The following VWC2 variants were observed in gnomAD, a reference collection of about 807,000 sequenced individuals.
VWC2 encodes the protein von Willebrand factor C domain containing 2.
VWC2 carries 14 observed loss-of-function variants against 29.8 expected under a neutral mutation model. The observed-to-expected ratio is 0.47, with a 90% confidence interval of 0.31 to 0.74. The LOEUF is 0.74. VWC2 is among the 30% of genes least tolerant of loss of function. VWC2 has a pLI of 0.05. For synonymous variants in VWC2, 213 were observed against 199.0 expected (o/e 1.07, Z -0.59); for missense variants, 457 against 459.8 (o/e 0.99, Z 0.05).
intron 3 of VWC2, among the ~76,000 whole-genome samples, chr7:49,855,275 T>C (rs1309189038): frequency 6.6e-6 from 1 of 152,218 alleles, no homozygotes; most frequent in Non-Finnish European, 1.5e-5. Context: ...GGTCATAGTT[T>C]ATGGACGGTG....
intron 2 of VWC2, among the ~76,000 whole-genome samples, chr7:49,790,461 A>G (rs1424042949): frequency 6.6e-6 from 1 of 152,198 alleles, no homozygotes; most frequent in African/African-American, 2.4e-5. Flanking sequence ...ACAGAACAGA[A>G]AAAAAAATTC....
chr7:49,868,870 C>T (rs1053607427), intron 3 of VWC2, among the ~76,000 whole-genome samples: 8 of 152,218 alleles, frequency 5.3e-5, no homozygotes, highest in African/African-American at 1.9e-4. Flanking sequence ...CCACCTGCCT[C>T]GGCCTCCCAA....
At chr7:49,888,807 G>C (rs1190217148) in intron 3 of VWC2, among the ~76,000 whole-genome samples, 2 of 152,074 alleles carry the variant, frequency 1.3e-5, no homozygotes, top group African/African-American at 4.8e-5. Flanking sequence ...GCTACTTTGG[G>C]GGCCGAGGCA....
At chr7:49,817,629 C>T (rs750536629) in intron 3 of VWC2, among the ~76,000 whole-genome samples, 7 of 152,168 alleles carry the variant, frequency 4.6e-5, no homozygotes, top group Non-Finnish European at 8.8e-5. Flanking sequence ...ATTTGTCTTT[C>T]AGGAAGATAA....
In VWC2 at chr7:49,918,418, A is replaced by G. The variant is rs1793836367; in HGVS notation, c.*6233A>G. 1 of 152,210 alleles carries G rather than the reference A, an allele frequency of 6.6e-6. No individual in the cohort carries two copies. The highest frequency in any genetic ancestry group is 1.5e-5 in the Non-Finnish European group (1 of 68,040). 9.4% of individuals were successfully genotyped at this position (152,210 alleles called of 1,614,324 possible). ...TAGCAACACTGATCCCTAATTCTAG[A>G]ATATCAATCTTGATACTTGTCAAAG... On this transcript the variant is annotated 3_prime_UTR_variant, in exon 4 of 4. Transcript: ENST00000340652.
intron 3 of VWC2, among the ~76,000 whole-genome samples, chr7:49,859,920 TATAA>T (rs1365837786): frequency 6.6e-6 from 1 of 151,940 alleles, no homozygotes; most frequent in Non-Finnish European, 1.5e-5. Context: ...TCTATCTAGA[TATAA>T]ATAAATAAAC....
At chr7:49,883,355 T>A (rs1373440980) in intron 3 of VWC2, among the ~76,000 whole-genome samples, 3 of 151,896 alleles carry the variant, frequency 2.0e-5, no homozygotes, top group Admixed American at 2.0e-4. Flanking sequence ...AGCTTAAATA[T>A]AAAAATGGCT....
chr7:49,844,815 C>G (rs1789883395), intron 3 of VWC2, among the ~76,000 whole-genome samples: 1 of 152,092 alleles, frequency 6.6e-6, no homozygotes, highest in Non-Finnish European at 1.5e-5. Flanking sequence ...GTCTCAGCTT[C>G]CTGAGTAGCT....
intron 3 of VWC2, among the ~76,000 whole-genome samples, chr7:49,904,470 A>G (rs1792967943): frequency 6.6e-6 from 1 of 152,206 alleles, no homozygotes; most frequent in South Asian, 2.1e-4. Flanking sequence ...ATGCATGTAG[A>G]TACACATGTT....
chr7:49,880,670 C>A (rs138338950), intron 3 of VWC2, among the ~76,000 whole-genome samples: 3 of 151,482 alleles, frequency 2.0e-5, no homozygotes, highest in Non-Finnish European at 2.9e-5. Flanking sequence ...CATCACACAC[C>A]GGGGCCTGTT....
intron 3 of VWC2, among the ~76,000 whole-genome samples, chr7:49,911,397 G>A (rs924515831): frequency 1.0e-4 from 15 of 144,480 alleles, no homozygotes; most frequent in African/African-American, 2.6e-4. Context: ...CAGGAGAATC[G>A]CTTGAACCCC....
intron 3 of VWC2, among the ~76,000 whole-genome samples, chr7:49,879,446 A>G (rs746027026): frequency 9.2e-5 from 14 of 152,212 alleles, no homozygotes; most frequent in Non-Finnish European, 2.1e-4. Context: ...TGCAGGTACC[A>G]GACAGCATGC....
At chr7:49,901,737 T>C (rs960903405) in intron 3 of VWC2, among the ~76,000 whole-genome samples, 3 of 151,744 alleles carry the variant, frequency 2.0e-5, no homozygotes, top group Non-Finnish European at 4.4e-5. Flanking sequence ...GCCAACACGA[T>C]ATTGAAAGAG....
At chr7:49,872,095 C>T (rs1369026342) in intron 3 of VWC2, among the ~76,000 whole-genome samples, 1 of 151,842 alleles carries the variant, frequency 6.6e-6, no homozygotes, top group East Asian at 1.9e-4. Flanking sequence ...GAACAGTATA[C>T]TATGAAACAG....
intron 3 of VWC2, among the ~76,000 whole-genome samples, chr7:49,891,489 A>C (rs368162943): frequency 2.0e-5 from 3 of 152,346 alleles, no homozygotes; most frequent in African/African-American, 7.2e-5. Context: ...GAAAATAATG[A>C]CAAGATACTT....
intron 3 of VWC2, among the ~76,000 whole-genome samples, chr7:49,828,086 G>C (rs535579992): frequency 6.6e-6 from 1 of 151,970 alleles, no homozygotes; most frequent in Non-Finnish European, 1.5e-5. Flanking sequence ...GATTATTTCC[G>C]CTTGTTCAGA....
chr7:49,777,936 A>T (rs1788086388), intron 2 of VWC2, among the ~76,000 whole-genome samples: 1 of 151,988 alleles, frequency 6.6e-6, no homozygotes, highest in African/African-American at 2.4e-5. Context: ...AAAGATAAGC[A>T]GTTGGTTTTT....
At position 49,777,724 on chromosome 7, in the gene VWC2, G is replaced by A. The variant is rs182747019; in HGVS notation, c.696+1593G>A. Among the ~76,000 whole-genome samples the A allele has an allele frequency of 2.5e-3, 386 of 152,244 alleles. 3 individuals are homozygous for A. The highest frequency in any genetic ancestry group is 4.9e-3 in the Non-Finnish European group (332 of 68,024). On this transcript the variant is annotated intron_variant, in intron 2 of 3. Transcript: ENST00000340652. ...TGCCCTCAAAATGCTTCCTGCCTACGGGAGGGTCTGGTAGATATCTCTCCA... is the reference window on the plus strand; with the variant it reads ...TGCCCTCAAAATGCTTCCTGCCTACAGGAGGGTCTGGTAGATATCTCTCCA...
Position 49,775,419 on chromosome 7 carries a change from C to G in VWC2, c.-17C>G. The G allele has an allele frequency of 7.5e-7, 1 of 1,332,520 alleles. No individual in the cohort carries two copies. The highest frequency in any genetic ancestry group is 9.6e-7 in the Non-Finnish European group (1 of 1,042,780). The allele number at this position is 1,332,520 out of a possible 1,614,324, so 82.5% of individuals were successfully genotyped here. The stretch of plus-strand genomic sequence containing the variant: ...GCCGCGCTCCCCGCCCGCCCGCCCG[C>G]CGGGACGTGGTAGGGGATGCCCAGC... On this transcript the variant is annotated 5_prime_UTR_variant, in exon 2 of 4. Coordinates refer to ENST00000340652, the MANE Select transcript of VWC2 (RefSeq NM_198570.5).
Sources: gnomAD v4.1 joint callset for allele counts (sites outside exome capture counted in the v4.1 genomes callset) on GRCh38, gnomAD v4.1.1 for gene constraint, MANE v1.5 for transcripts, NCBI Gene and HGNC (gene_info 2026-07-23, HGNC 2026-07-21) for gene names.